Variants in IGF2BP3 observed in about 807,000 individuals in gnomAD.
IGF2BP3 encodes insulin like growth factor 2 mRNA binding protein 3.
A neutral mutation model predicts 73.8 loss-of-function variants in IGF2BP3; 9 were observed. The ratio of observed to expected loss-of-function variants is 0.12; its 90% CI spans 0.07 to 0.21. IGF2BP3 has a LOEUF of 0.21. Ranked by LOEUF, IGF2BP3 falls within the 10% of genes least tolerant of loss-of-function variation. The pLI is 1.00. For missense variants in IGF2BP3, 542 were observed against 714.0 expected (o/e 0.76, Z 2.75); for synonymous variants, 258 against 256.7 (o/e 1.01, Z -0.05).
At chr7:23,421,202 G>A (rs1376700764) in intron 2 of IGF2BP3, among the ~76,000 whole-genome samples, 1 of 151,902 alleles carries the variant, frequency 6.6e-6, no homozygotes, top group African/African-American at 2.4e-5. Flanking sequence ...TAGAGACGGG[G>A]TTTCACCATG....
intron 2 of IGF2BP3, among the ~76,000 whole-genome samples, chr7:23,430,088 T>G (rs997362778): frequency 4.8e-5 from 7 of 146,410 alleles, no homozygotes; most frequent in African/African-American, 1.7e-4. Context: ...CTTTGCCTCT[T>G]TTTTTTTTTT....
chr7:23,325,020 G>A (rs1784256087), intron 10 of IGF2BP3, among the ~76,000 whole-genome samples: 5 of 151,800 alleles, frequency 3.3e-5, no homozygotes, highest in African/African-American at 1.2e-4. Flanking sequence ...ACAAGACAGG[G>A]ATGACCTCTC....
intron 3 of IGF2BP3, chr7:23,415,460 C>G (rs199892131): frequency 3.3e-3 from 651 of 198,176 alleles, no homozygotes; most frequent in Non-Finnish European, 5.4e-3. Flanking sequence ...GGTCCCCCTC[C>G]GTCAGTCGGC....
intron 3 of IGF2BP3, among the ~76,000 whole-genome samples, chr7:23,387,501 G>C (rs73281640): frequency 0.059 from 8,927 of 151,546 alleles, 853 homozygotes; most frequent in African/African-American, 0.2. Flanking sequence ...ATAATAATTT[G>C]GTTCTTTAAT....
chr7:23,412,295 C>G (rs1787049154), intron 3 of IGF2BP3, among the ~76,000 whole-genome samples: 1 of 152,026 alleles, frequency 6.6e-6, no homozygotes, highest in Non-Finnish European at 1.5e-5. Context: ...CTTGTTTCTT[C>G]TAAATAAGGA....
chr7:23,409,482 T>G (rs572342032), intron 3 of IGF2BP3, among the ~76,000 whole-genome samples: 39 of 152,010 alleles, frequency 2.6e-4, no homozygotes, highest in African/African-American at 8.7e-4. Flanking sequence ...GGAATAATAC[T>G]ATTCAATTTT....
intron 3 of IGF2BP3, among the ~76,000 whole-genome samples, chr7:23,397,048 G>A (rs1483101623): frequency 6.6e-6 from 1 of 152,002 alleles, no homozygotes; most frequent in East Asian, 1.9e-4. Context: ...TCTTCCATTC[G>A]ACTATTCTGA....
chr7:23,319,672 G>T lies in IGF2BP3; in HGVS notation c.1204-418C>A, dbSNP rs191725419. 2.5e-4 allele frequency among the ~76,000 whole-genome samples: 38 copies of T among 152,238 alleles called. 1 individual carries two copies. The highest frequency in any genetic ancestry group is 9.2e-4 in the Admixed American group (14 of 15,286). On this transcript the variant is annotated intron_variant, in intron 10 of 14. Coordinates refer to ENST00000258729, the MANE Select transcript of IGF2BP3 (RefSeq NM_006547.3). ...ATCAAACACAACAGAACTCAAGGAC[G>T]CCAGCTCCACACCTTATCTATGTAG...
At chr7:23,385,597 C>A (rs1583972190) in intron 3 of IGF2BP3, among the ~76,000 whole-genome samples, 1 of 151,402 alleles carries the variant, frequency 6.6e-6, no homozygotes, top group Admixed American at 6.6e-5. Context: ...AGAGTTTCTT[C>A]AACCAATGGG....
chr7:23,358,998 CA>C (rs1217270318), intron 5 of IGF2BP3, among the ~76,000 whole-genome samples: 2 of 152,304 alleles, frequency 1.3e-5, no homozygotes, highest in East Asian at 3.9e-4. Flanking sequence ...AATATTAGAA[CA>C]AAGGACATGA....
intron 2 of IGF2BP3, among the ~76,000 whole-genome samples, chr7:23,454,845 A>G (rs1385779961): frequency 2.0e-5 from 3 of 152,226 alleles, no homozygotes; most frequent in Non-Finnish European, 4.4e-5. Context: ...CAAAAATCAT[A>G]TAATACCAGG....
intron 12 of IGF2BP3, among the ~76,000 whole-genome samples, chr7:23,315,011 C>T (rs534211725): frequency 2.0e-5 from 3 of 152,244 alleles, no homozygotes; most frequent in Non-Finnish European, 4.4e-5. Flanking sequence ...CCATGTTGGC[C>T]AGGCTGGTCT....
At chr7:23,371,854 A>C (rs936716829) in intron 3 of IGF2BP3, among the ~76,000 whole-genome samples, 2 of 152,136 alleles carry the variant, frequency 1.3e-5, no homozygotes, top group Non-Finnish European at 2.9e-5. Flanking sequence ...TCTGAGAGAG[A>C]ACAGTCCAAG....
chr7:23,464,517 A>G (rs1015688507), intron 2 of IGF2BP3, among the ~76,000 whole-genome samples: 2 of 151,950 alleles, frequency 1.3e-5, no homozygotes, highest in Non-Finnish European at 2.9e-5. Context: ...AGTCTGTTTT[A>G]AAAGATCTTA....
At chr7:23,385,649 A>C (rs181054104) in intron 3 of IGF2BP3, among the ~76,000 whole-genome samples, 32 of 152,292 alleles carry the variant, frequency 2.1e-4, no homozygotes, top group African/African-American at 6.5e-4. Flanking sequence ...TGGGAACCTA[A>C]AAGTCAAGGG....
At chr7:23,371,551 A>G (rs1397430593) in intron 3 of IGF2BP3, among the ~76,000 whole-genome samples, 1 of 152,216 alleles carries the variant, frequency 6.6e-6, no homozygotes. Context: ...TTTCTCTAAA[A>G]TGTTAGCACC....
In IGF2BP3 at chr7:23,310,830, T is replaced by A. The variant is rs1395134938; in HGVS notation, c.*1532A>T. The A allele has an allele frequency of 6.6e-6, 1 of 152,150 alleles. No homozygotes were observed. The highest frequency in any genetic ancestry group is 2.4e-5 in the African/African-American group (1 of 41,430). The allele number at this position is 152,150 out of a possible 1,614,324, so 9.4% of individuals were successfully genotyped here. ...GTTATATATATGTCCTTTAGATCAGTGTAACATGACTGTGATCATCTTACA... is the reference window on the plus strand; with the variant it reads ...GTTATATATATGTCCTTTAGATCAGAGTAACATGACTGTGATCATCTTACA... On this transcript the variant is annotated 3_prime_UTR_variant, in exon 15 of 15. Transcript: ENST00000258729.
At chr7:23,386,145 A>G (rs544416716) in intron 3 of IGF2BP3, among the ~76,000 whole-genome samples, 64 of 152,320 alleles carry the variant, frequency 4.2e-4, no homozygotes, top group African/African-American at 1.5e-3. Flanking sequence ...GAGATTTATT[A>G]TACTATTCTC....
intron 10 of IGF2BP3, among the ~76,000 whole-genome samples, chr7:23,325,974 C>T (rs1045278618): frequency 1.3e-5 from 2 of 152,104 alleles, no homozygotes; most frequent in African/African-American, 4.8e-5. Context: ...CCATAAAAAC[C>T]CTAGGCATTA....
Sources: allele counts gnomAD v4.1 joint callset (sites outside exome capture counted in the v4.1 genomes callset), GRCh38; gene constraint gnomAD v4.1.1; transcripts MANE v1.5; gene names NCBI Gene and HGNC (gene_info 2026-07-23, HGNC 2026-07-21).